The following ABCD4 variants were observed in gnomAD, a reference collection of about 807,000 sequenced individuals.
ABCD4 encodes the protein ATP binding cassette subfamily D member 4, also known as lysosomal cobalamin transporter ABCD4.
A neutral mutation model predicts 86.3 loss-of-function variants in ABCD4; 53 were observed. The ratio of observed to expected loss-of-function variants is 0.61; its 90% CI spans 0.49 to 0.77. ABCD4 has a LOEUF of 0.77. Ranked by LOEUF, ABCD4 falls within the 30% of genes least tolerant of loss-of-function variation. ABCD4 has a pLI of 0.00. For synonymous variants in ABCD4, 328 were observed against 313.6 expected, an observed-to-expected ratio of 1.05 and a Z score of -0.49; for missense variants, 757 against 764.5, an observed-to-expected ratio of 0.99 and a Z score of 0.12.
intron 2 of ABCD4, 125 bp from the exon 3 acceptor site, chr14:74,299,800 G>A (rs2083854435): frequency 5.4e-6 from 5 of 929,220 alleles, no homozygotes; most frequent in Non-Finnish European, 4.8e-6. Flanking sequence ...GGTGGCTCAC[G>A]CCTGTAATCC....
At chr14:74,301,506 T>C (rs890727361) in intron 1 of ABCD4, among the ~76,000 whole-genome samples, 2 of 152,066 alleles carry the variant, frequency 1.3e-5, no homozygotes, top group Admixed American at 6.5e-5. Context: ...GCCAGGAACA[T>C]AGGAAATCCA....
In ABCD4 at chr14:74,288,930, G is replaced by A. The variant is rs1169443557; in HGVS notation, c.1457-165C>T. On this transcript the variant is annotated intron_variant, in intron 14 of 18. Coordinates refer to ENST00000356924, the MANE Select transcript of ABCD4 (RefSeq NM_005050.4). ...AGATGGAGACCACCCTGGCCAACAT[G>A]GTGAAACGCTGTCTCTACTAAATAT... is the stretch of plus-strand genomic sequence containing the variant. 6 of 966,874 alleles carry A rather than the reference G, an allele frequency of 6.2e-6. 1 individual carries two copies. In the African/African-American group the frequency reaches 8.4e-5, roughly 13 times the overall value. 59.9% of individuals were successfully genotyped at this position (966,874 alleles called of 1,614,324 possible). A position where few individuals can be genotyped will look rare whatever the true frequency, so the allele number is the denominator to read the frequency against.
At chr14:74,289,442 T>C (rs1156901313) in intron 14 of ABCD4, 41 bp downstream of exon 14, 6 of 1,612,602 alleles carry the variant, frequency 3.7e-6, no homozygotes, top group Non-Finnish European at 5.1e-6. Flanking sequence ...GGGACAACCA[T>C]GACAGAAGGA....
At chr14:74,300,463 A>T (rs1209922774) in intron 1 of ABCD4, among the ~76,000 whole-genome samples, 195 bp from the exon 2 acceptor site, 1 of 151,630 alleles carries the variant, frequency 6.6e-6, no homozygotes, top group African/African-American at 2.4e-5. Context: ...GTGGTGGCTC[A>T]TGCCTGTAAT....
chr14:74,294,882 T>C (rs1044865143), intron 7 of ABCD4: 3 of 508,324 alleles, frequency 5.9e-6, no homozygotes, highest in African/African-American at 3.9e-5. Flanking sequence ...GGATGAGGCA[T>C]TCATTCATTT....
rs1277224662 is a variant in ABCD4, at chr14:74,290,314, C to A, written c.1304G>T (p.Gly435Val). The change falls in exon 12 of 19, where the codon GGT becomes GTT. Residue 435 changes from glycine (G) to valine (V), a missense_variant. By Grantham distance (109) the Gly-to-Val change is moderately radical (BLOSUM62 -3). Transcript: ENST00000356924. ...ACCCCGTGTACTCGTCCAGAGGCCA[C>A]CCAGAACCCGGAGCAAGGAGGTCTT... is the stretch of plus-strand genomic sequence containing the variant. ...TGKTSLLRVL[G>V]GLWTSTRGSV... The A allele has an allele frequency of 1.2e-6, 2 of 1,614,080 alleles. No individual in the cohort carries two copies. Among genetic ancestry groups the A allele is most frequent in the Admixed American group, 1.7e-5 (1 of 60,004 alleles).
Position 74,290,130 on chromosome 14 carries a change from A to C in ABCD4, c.1328-12T>G. The C allele has an allele frequency of 6.2e-7, 1 of 1,614,108 alleles. No homozygotes were observed. Among genetic ancestry groups the C allele is most frequent in the East Asian group, 2.2e-5 (1 of 44,876 alleles). ...CATCTGCACTGAGCCTGCAGAGCCCACAGAAACCTCCATTGTGAGATCTCC... is the reference window on the plus strand; with the variant it reads ...CATCTGCACTGAGCCTGCAGAGCCCCCAGAAACCTCCATTGTGAGATCTCC... On this transcript the variant is annotated splice_polypyrimidine_tract_variant and intron_variant, in intron 12 of 18. Transcript: ENST00000356924.
chr14:74,302,903 C>T lies in ABCD4; in HGVS notation c.10G>A (p.Ala4Thr), dbSNP rs139863822. The change falls in exon 1 of 19, where the codon GCG (alanine) becomes ACG (threonine). Residue 4 changes from alanine (A) to threonine (T), a missense_variant. Coordinates refer to ENST00000356924, the MANE Select transcript of ABCD4 (RefSeq NM_005050.4). ...GCGCCAGCTCCGGGCGCGGGCCCCG[C>T]GACCGCCATGACCTGAGACCCGAGG... The part of the protein sequence containing the change: MAV[A>T]GPAPGAGARP... The T allele has an allele frequency of 1.2e-6, 2 of 1,607,096 alleles. No individual in the cohort carries two copies. Among genetic ancestry groups the T allele is most frequent in the East Asian group, 2.3e-5 (1 of 44,018 alleles).
At chr14:74,298,855 G>A (rs1247802795) in intron 3 of ABCD4, among the ~76,000 whole-genome samples, 2 of 152,210 alleles carry the variant, frequency 1.3e-5, no homozygotes, top group Non-Finnish European at 2.9e-5. Flanking sequence ...GTACAGCCCT[G>A]AGTCTCATCA....
Position 74,300,166 on chromosome 14 carries a change from C to A in ABCD4, c.141G>T (p.Leu47Phe), listed in dbSNP as rs147446660. 13 of 1,610,486 alleles carry A rather than the reference C, an allele frequency of 8.1e-6. No individual in the cohort carries two copies. The change falls in exon 2 of 19, where the codon TTG becomes TTT. Residue 47 changes from leucine to phenylalanine, a missense_variant. Coordinates refer to ENST00000356924, the MANE Select transcript of ABCD4 (RefSeq NM_005050.4). ...SQNALMFLTL[L>F]CLTLLEQFVI... Reference sequence around the variant, plus strand: ...CTCACTCACCCAGTAGGGTCAGGCACAAAAGGGTCAGGAACATCAAGGCAT... The same window carrying A: ...CTCACTCACCCAGTAGGGTCAGGCAAAAAAGGGTCAGGAACATCAAGGCAT...
intron 2 of ABCD4, 21 bp from the exon 3 acceptor site, chr14:74,299,696 A>G (rs1463439022): frequency 6.2e-7 from 1 of 1,604,124 alleles, no homozygotes; most frequent in Non-Finnish European, 8.5e-7. Flanking sequence ...GGAGAGGAGT[A>G]AGAAATCAGT....
In ABCD4 at chr14:74,286,492, C is replaced by G. The variant is rs575071154; in HGVS notation, c.1790G>C (p.Arg597Thr). The G allele has an allele frequency of 6.2e-7, 1 of 1,614,254 alleles. No homozygotes were observed. The highest frequency in any genetic ancestry group is 2.2e-5 in the East Asian group (1 of 44,884). ...CACTTTGATTCTCATCAGCTCCCAT[C>G]TTCCTCCTCCACAGAGTTTCAGAAC... is the stretch of plus-strand genomic sequence containing the variant. ...SLVLKLCGGG[R>T]WELMRIKVE The change falls in exon 19 of 19, where the codon AGA (arginine) becomes ACA (threonine). Residue 597 changes from arginine to threonine, a missense_variant. Physicochemically the swap from Arg to Thr is moderately conservative, Grantham distance 71. Transcript: ENST00000356924.
chr14:74,290,231 G>A (rs537177278), intron 12 of ABCD4, 60 bp downstream of exon 12: 13 of 1,610,920 alleles, frequency 8.1e-6, no homozygotes, highest in Admixed American at 5.0e-5. Flanking sequence ...CACCGTCCCC[G>A]CCTTCACCCC....
intron 16 of ABCD4, 149 bp downstream of exon 16, chr14:74,288,058 C>G: frequency 9.2e-7 from 1 of 1,086,032 alleles, no homozygotes. Context: ...AGGCAAAACT[C>G]TGTTCCCAAG....
At chr14:74,296,726 G>A in intron 4 of ABCD4, 1 of 383,128 alleles carries the variant, frequency 2.6e-6, no homozygotes, top group Non-Finnish European at 4.7e-6. Context: ...GCCTGAGCCA[G>A]CTCTGAGCAG....
chr14:74,290,247 T>G, intron 12 of ABCD4, 44 bp downstream of exon 12: 1 of 1,612,384 alleles, frequency 6.2e-7, no homozygotes, highest in Non-Finnish European at 8.5e-7. Flanking sequence ...ACCCCACCCC[T>G]AGGGCCCAGG....
chr14:74,293,120 C>G (rs562957214), intron 8 of ABCD4, 34 bp downstream of exon 8: 2 of 1,603,022 alleles, frequency 1.2e-6, no homozygotes, highest in South Asian at 2.2e-5. Flanking sequence ...AGTCCAACCC[C>G]ATGGTTCCCA....
rs776547619 is a variant in ABCD4, at chr14:74,286,379, G to A, written c.*82C>T. On this transcript the variant is annotated 3_prime_UTR_variant, in exon 19 of 19. Coordinates refer to ENST00000356924, the MANE Select transcript of ABCD4 (RefSeq NM_005050.4). ...GGATCTATGTGGCGAACCTGAGCTCGATCTTCGCTGTCAGTCCTCCTGGTC... is the reference window on the plus strand; with the variant it reads ...GGATCTATGTGGCGAACCTGAGCTCAATCTTCGCTGTCAGTCCTCCTGGTC... 4.7e-6 allele frequency: 7 copies of A among 1,488,918 alleles called. No individual in the cohort carries two copies. Among genetic ancestry groups the A allele is most frequent in the African/African-American group, 1.4e-5 (1 of 72,484 alleles). 92.2% of individuals were successfully genotyped at this position (1,488,918 alleles called of 1,614,324 possible). A position where few individuals can be genotyped will look rare whatever the true frequency, so the allele number is the denominator to read the frequency against.
intron 4 of ABCD4, chr14:74,297,002 A>G (rs1455202348): frequency 6.5e-6 from 1 of 153,002 alleles, no homozygotes; most frequent in Non-Finnish European, 1.5e-5. Context: ...ACCAAAGCTA[A>G]GCTTGAGCTG....
Sources: gnomAD v4.1 joint callset for allele counts (sites outside exome capture counted in the v4.1 genomes callset) on GRCh38, gnomAD v4.1.1 for gene constraint, MANE v1.5 for transcripts, NCBI Gene and HGNC (gene_info 2026-07-23, HGNC 2026-07-21) for gene names.